The following BCL2L13 variants were observed in gnomAD, a reference collection of about 807,000 sequenced individuals.
BCL2L13 encodes the protein bcl-2-like protein 13.
BCL2L13 carries 13 observed loss-of-function variants against 25.8 expected under a neutral mutation model. The ratio of observed to expected loss-of-function variants is 0.50; its 90% CI spans 0.33 to 0.80. The LOEUF (loss-of-function observed/expected upper bound fraction) is 0.80. Ranked by LOEUF, BCL2L13 falls within the 30% of genes least tolerant of loss-of-function variation. The pLI is 0.02. For missense variants in BCL2L13, 504 were observed against 574.9 expected (o/e 0.88, Z 1.26); for synonymous variants, 244 against 230.3 (o/e 1.06, Z -0.54).
At chr22:17,705,376 C>CA (rs2060561981) in intron 6 of BCL2L13, among the ~76,000 whole-genome samples, 1 of 151,284 alleles carries the variant, frequency 6.6e-6, no homozygotes, top group Non-Finnish European at 1.5e-5. Flanking sequence ...TGGCTCACTG[C>CA]AAGCTCCGCC....
chr22:17,657,901 C>CA (rs2058934944), intron 2 of BCL2L13, among the ~76,000 whole-genome samples: 1 of 135,034 alleles, frequency 7.4e-6, no homozygotes, highest in Non-Finnish European at 1.5e-5. Flanking sequence ...TGGCTCACTG[C>CA]AACCTCCGAC....
chr22:17,717,665 TAAG>T (rs566812680), intron 6 of BCL2L13, among the ~76,000 whole-genome samples: 450 of 152,326 alleles, frequency 3.0e-3, no homozygotes, highest in Non-Finnish European at 5.2e-3. Flanking sequence ...CAGTTCCTGA[TAAG>T]AAGAAGCCAG....
chr22:17,645,824 C>T lies in BCL2L13; in HGVS notation c.-51+6938C>T, dbSNP rs145116946. Among the ~76,000 whole-genome samples the T allele has an allele frequency of 3.5e-3, 531 of 151,446 alleles. 24 individuals carry two copies. The highest frequency in any genetic ancestry group is 0.013 in the African/African-American group (515 of 40,802). ...CTGTTTGGCTAGCAACCACAGTTGGCCCTCTTTATCCAGTTTCCATATCTC... is the reference window on the plus strand; with the variant it reads ...CTGTTTGGCTAGCAACCACAGTTGGTCCTCTTTATCCAGTTTCCATATCTC... On this transcript the variant is annotated intron_variant, in intron 1 of 6. Coordinates refer to ENST00000317582, the MANE Select transcript of BCL2L13 (RefSeq NM_015367.4).
intron 1 of BCL2L13, among the ~76,000 whole-genome samples, chr22:17,631,348 T>C (rs1395747973): frequency 6.6e-6 from 1 of 151,180 alleles, no homozygotes; most frequent in East Asian, 2.0e-4. Context: ...CTGCCTGCCT[T>C]GGCATCCCAA....
At chr22:17,631,237 C>T (rs577796358) in intron 1 of BCL2L13, among the ~76,000 whole-genome samples, 9 of 151,830 alleles carry the variant, frequency 5.9e-5, no homozygotes, top group Admixed American at 4.6e-4. Context: ...GCTGGGATTA[C>T]AAGCGCCCGC....
chr22:17,706,598 T>C lies in BCL2L13; in HGVS notation c.600+4212T>C, dbSNP rs1353139083. 18 of 1,032,378 alleles carry C rather than the reference T, an allele frequency of 1.7e-5. No individual in the cohort carries two copies. The South Asian group carries it at 2.0e-4, about 12-fold the overall frequency. 64.0% of individuals were successfully genotyped at this position (1,032,378 alleles called of 1,614,324 possible). A position where few individuals can be genotyped will look rare whatever the true frequency, so the allele number is the denominator to read the frequency against. ...GGTTTTCACATGCGTCTCTGAAGAG[T>C]GTGGTTTTTTTCCCTCTCCTTAAGT... On this transcript the variant is annotated intron_variant, in intron 6 of 6. Coordinates refer to ENST00000317582, the MANE Select transcript of BCL2L13 (RefSeq NM_015367.4).
chr22:17,708,631 T>TAAAAAC (rs2060655527), intron 6 of BCL2L13, among the ~76,000 whole-genome samples: 1 of 152,168 alleles, frequency 6.6e-6, no homozygotes, highest in South Asian at 2.1e-4. Context: ...TTCATTTATT[T>TAAAAAC]AAAAACAAAA....
At chr22:17,653,312 A>G (rs2058747762) in intron 1 of BCL2L13, among the ~76,000 whole-genome samples, 2 of 151,998 alleles carry the variant, frequency 1.3e-5, no homozygotes, top group South Asian at 4.1e-4. Context: ...TCACTCTCTC[A>G]TTGAGTTAAC....
chr22:17,632,879 G>A (rs1475518329), intron 1 of BCL2L13, among the ~76,000 whole-genome samples: 1 of 150,122 alleles, frequency 6.7e-6, no homozygotes, highest in African/African-American at 2.5e-5. Flanking sequence ...TCAGCCTCCC[G>A]AGTAGCTGAG....
intron 5 of BCL2L13, among the ~76,000 whole-genome samples, chr22:17,698,855 T>C (rs5992793): frequency 0.093 from 14,138 of 152,296 alleles, 769 homozygotes; most frequent in Non-Finnish European, 0.11. Context: ...AATGAATTTG[T>C]CTTTTCTGGA....
intron 5 of BCL2L13, among the ~76,000 whole-genome samples, chr22:17,699,974 A>G (rs889699025): frequency 3.9e-5 from 6 of 152,106 alleles, no homozygotes; most frequent in Admixed American, 1.3e-4. Flanking sequence ...TAGCATGCCA[A>G]ATAGGTAAGC....
At chr22:17,709,097 G>A (rs1350403267) in intron 6 of BCL2L13, among the ~76,000 whole-genome samples, 1 of 152,028 alleles carries the variant, frequency 6.6e-6, no homozygotes, top group Non-Finnish European at 1.5e-5. Context: ...TTAGCTGGGC[G>A]TGGTGGCAGG....
chr22:17,677,802 G>T (rs867648947), intron 2 of BCL2L13, among the ~76,000 whole-genome samples: 12 of 152,098 alleles, frequency 7.9e-5, no homozygotes, highest in African/African-American at 2.6e-4. Context: ...AACCCAGGAG[G>T]CAGAGGTTGC....
At chr22:17,672,837 C>T (rs1347412062) in intron 2 of BCL2L13, among the ~76,000 whole-genome samples, 3 of 152,006 alleles carry the variant, frequency 2.0e-5, no homozygotes, top group East Asian at 1.9e-4. Flanking sequence ...TTGTCATTTG[C>T]TTTGTGGGAT....
At chr22:17,691,062 ACTATGTT>A (rs2060090235) in intron 4 of BCL2L13, among the ~76,000 whole-genome samples, 1 of 151,938 alleles carries the variant, frequency 6.6e-6, no homozygotes, top group South Asian at 2.1e-4. Context: ...ACAGGGTCTC[ACTATGTT>A]ACCCAGACTA....
At chr22:17,715,122 TTA>T (rs1371492072) in intron 6 of BCL2L13, among the ~76,000 whole-genome samples, 110 of 52,952 alleles carry the variant, frequency 2.1e-3, no homozygotes, top group South Asian at 3.5e-3. Context: ...AGTGTTAATT[TTA>T]TATATATATA....
intron 6 of BCL2L13, among the ~76,000 whole-genome samples, chr22:17,725,682 T>C (rs1179214485): frequency 6.6e-6 from 1 of 152,174 alleles, no homozygotes; most frequent in African/African-American, 2.4e-5. Context: ...TCTGCTGTTT[T>C]GCATTAATTA....
chr22:17,687,447 T>C (rs1340641010), intron 3 of BCL2L13, among the ~76,000 whole-genome samples: 9 of 152,174 alleles, frequency 5.9e-5, no homozygotes, highest in Non-Finnish European at 1.3e-4. Flanking sequence ...ACTCAAGTGA[T>C]CCTCCTACTT....
rs756408293 is a variant in BCL2L13 at position 17,702,268 on chromosome 22, G to A, written c.482G>A (p.Arg161Gln). Residue 161 changes from arginine (R) to glutamine (Q), a missense_variant, in exon 6 of 7, where the codon CGA (arginine) becomes CAA (glutamine). Arg to Gln is a conservative substitution (Grantham distance 43). Transcript: ENST00000317582. ...ATTTTGGTGCCTCTGGTTTTGCTAC[G>A]ACAAATGCTTTTGGAATTGACAAGA... ...NKILVPLVLL[R>Q]QMLLELTRRG... 4.8e-5 allele frequency: 77 copies of A among 1,607,964 alleles called. No homozygotes were observed. In the South Asian group the frequency reaches 6.0e-4, roughly 13 times the overall value.
Sources: allele counts gnomAD v4.1 joint callset (sites outside exome capture counted in the v4.1 genomes callset), GRCh38; gene constraint gnomAD v4.1.1; transcripts MANE v1.5; gene names NCBI Gene and HGNC (gene_info 2026-07-23, HGNC 2026-07-21).